ZNF362: variants seen among roughly 807,000 people sequenced by gnomAD.
ZNF362 encodes the protein rotund homolog.
A neutral mutation model predicts 42.9 loss-of-function variants in ZNF362; 11 were observed. That is an observed-to-expected ratio of 0.26 (90% CI 0.16 to 0.42). The LOEUF (loss-of-function observed/expected upper bound fraction) is 0.42. Among genes scored for constraint, ZNF362 ranks in the 20% least tolerant of loss-of-function variants. The pLI is 1.00. For missense variants in ZNF362, 362 were observed against 576.2 expected, an observed-to-expected ratio of 0.63 and a Z score of 3.81; for synonymous variants, 255 against 257.3, an observed-to-expected ratio of 0.99 and a Z score of 0.09.
chr1:33,278,221 C>T (rs571277779), intron 4 of ZNF362, among the ~76,000 whole-genome samples: 1 of 152,264 alleles, frequency 6.6e-6, no homozygotes, highest in African/African-American at 2.4e-5. Context: ...GCTGTTGGTC[C>T]ATTTCCTTCC....
At chr1:33,178,153 C>G in the ZNF362 span, among the ~76,000 whole-genome samples, 109 of 152,334 alleles carry the variant, frequency 7.2e-4, 1 homozygote, top group African/African-American at 2.5e-3. Flanking sequence ...TTCCCTTCCT[C>G]CCTCTCCCTC....
chr1:33,177,263 A>C, the ZNF362 span, among the ~76,000 whole-genome samples: 1 of 152,214 alleles, frequency 6.6e-6, no homozygotes, highest in Non-Finnish European at 1.5e-5. This position sits in a 1 kb window ranked among gnomAD's most constrained non-coding sequence, Gnocchi z 4.1. Context: ...TCTTATGTTA[A>C]TTTTATAATC....
At chr1:33,154,939 A>C in the ZNF362 span, among the ~76,000 whole-genome samples, 1 of 150,876 alleles carries the variant, frequency 6.6e-6, no homozygotes, top group Non-Finnish European at 1.5e-5. Context: ...TAAAAATACA[A>C]AAAATTAGCC....
At chr1:33,188,218 G>A in the ZNF362 span, among the ~76,000 whole-genome samples, 1 of 151,626 alleles carries the variant, frequency 6.6e-6, no homozygotes, top group African/African-American at 2.4e-5. Context: ...GCAACAGAAT[G>A]AGACTTCATC....
chr1:33,158,320 C>G, the ZNF362 span: 1 of 1,613,980 alleles, frequency 6.2e-7, no homozygotes, highest in Non-Finnish European at 8.5e-7. Flanking sequence ...ACTTGGAGGT[C>G]GGGAAGTCTT....
At chr1:33,147,445 T>C in the ZNF362 span, 4 of 1,613,886 alleles carry the variant, frequency 2.5e-6, no homozygotes, top group African/African-American at 2.7e-5. The surrounding 1 kb of genome is among the most constrained non-coding windows in gnomAD (Gnocchi z 8.1). Flanking sequence ...CACGATGCAG[T>C]AGAAGCCGCG....
At chr1:33,177,039 G>GCA in the ZNF362 span, among the ~76,000 whole-genome samples, 31 of 58,784 alleles carry the variant, frequency 5.3e-4, no homozygotes, top group Admixed American at 1.8e-3. The surrounding 1 kb of genome is among the most constrained non-coding windows in gnomAD (Gnocchi z 4.1). Flanking sequence ...ACATACACAT[G>GCA]CACACACACA....
the ZNF362 span, among the ~76,000 whole-genome samples, chr1:33,151,461 C>T: frequency 6.6e-6 from 1 of 152,108 alleles, no homozygotes; most frequent in African/African-American, 2.4e-5. Flanking sequence ...GGCTCCCTCC[C>T]CGAGGCTAGG....
chr1:33,132,556 C>T, the ZNF362 span, among the ~76,000 whole-genome samples: 5 of 152,206 alleles, frequency 3.3e-5, no homozygotes, highest in African/African-American at 1.2e-4. Flanking sequence ...GTTCAGATGC[C>T]ACTTCTTGGA....
the ZNF362 span, among the ~76,000 whole-genome samples, chr1:33,203,009 T>C: frequency 2.5e-4 from 38 of 152,272 alleles, no homozygotes; most frequent in East Asian, 4.5e-3. Context: ...CTAAAATCCA[T>C]TCTTTCAACA....
chr1:33,217,217 C>A, the ZNF362 span, among the ~76,000 whole-genome samples: 3 of 152,308 alleles, frequency 2.0e-5, no homozygotes, highest in East Asian at 5.8e-4. Flanking sequence ...TGCTGCCTAA[C>A]CTGATCTAAC....
the ZNF362 span, among the ~76,000 whole-genome samples, chr1:33,196,615 C>CT: frequency 4.6e-5 from 7 of 152,054 alleles, no homozygotes; most frequent in Non-Finnish European, 7.4e-5. Flanking sequence ...TTGCAGTTAA[C>CT]TTTTTTTTCT....
the ZNF362 span, among the ~76,000 whole-genome samples, chr1:33,149,848 G>A: frequency 2.0e-5 from 3 of 152,176 alleles, no homozygotes; most frequent in South Asian, 2.1e-4. Flanking sequence ...TGCACCAAGA[G>A]GGCAAGGACC....
intron 1 of ZNF362, among the ~76,000 whole-genome samples, chr1:33,269,627 C>T (rs1210791268): frequency 6.6e-6 from 1 of 152,180 alleles, no homozygotes; most frequent in African/African-American, 2.4e-5. Context: ...GCCTCAAACT[C>T]CTGGGCTCAA....
the ZNF362 span, among the ~76,000 whole-genome samples, chr1:33,217,775 T>G: frequency 1.0e-5 from 1 of 97,386 alleles, no homozygotes; most frequent in Non-Finnish European, 2.4e-5. Context: ...GATAACTCCT[T>G]ATGTTCACAC....
intron 1 of ZNF362, among the ~76,000 whole-genome samples, chr1:33,265,825 C>T (rs1224337720): frequency 1.3e-5 from 2 of 152,178 alleles, no homozygotes; most frequent in South Asian, 2.1e-4. Flanking sequence ...GTTCTTTCAC[C>T]GGAGCACCTT....
the ZNF362 span, among the ~76,000 whole-genome samples, chr1:33,230,833 C>T: frequency 6.6e-6 from 1 of 152,120 alleles, no homozygotes; most frequent in Non-Finnish European, 1.5e-5. Context: ...ATAGGAAGGC[C>T]AGCACTCTGA....
the ZNF362 span, among the ~76,000 whole-genome samples, chr1:33,132,270 A>T: frequency 6.6e-6 from 1 of 152,150 alleles, no homozygotes; most frequent in African/African-American, 2.4e-5. Flanking sequence ...GGGTCAGCAA[A>T]CCTTTTCTGT....
chr1:33,259,360 G>C (rs12033146), intron 1 of ZNF362, among the ~76,000 whole-genome samples: 10 of 152,178 alleles, frequency 6.6e-5, no homozygotes, highest in East Asian at 1.9e-4. Flanking sequence ...TGCAGTCTTG[G>C]GGGGTGGAGG....
Sources: gnomAD v4.1 joint callset for allele counts (sites outside exome capture counted in the v4.1 genomes callset) on GRCh38, gnomAD v4.1.1 for gene constraint, Gnocchi (gnomAD v3.1) non-coding constraint, MANE v1.5 for transcripts, NCBI Gene and HGNC (gene_info 2026-07-23, HGNC 2026-07-21) for gene names.